The following BBS9 variants were observed in gnomAD, a reference collection of about 807,000 sequenced individuals.
BBS9 encodes Bardet-Biedl syndrome 9, also known as protein PTHB1.
Under a neutral mutation model 117.7 loss-of-function variants are expected in BBS9, and 89 were observed. The ratio of observed to expected loss-of-function variants is 0.76; its 90% CI spans 0.64 to 0.90. BBS9 has a LOEUF of 0.90. Ranked by LOEUF, BBS9 falls within the 40% of genes least tolerant of loss-of-function variation. BBS9 has a pLI of 0.00. For synonymous variants in BBS9, 379 were observed against 370.9 expected (o/e 1.02, Z -0.25); for missense variants, 982 against 1,042.2 (o/e 0.94, Z 0.80).
intron 5 of BBS9, among the ~76,000 whole-genome samples, chr7:33,251,161 G>C (rs1199639085): frequency 6.6e-6 from 1 of 152,194 alleles, no homozygotes; most frequent in Admixed American, 6.5e-5. Flanking sequence ...TTTGGCTCCA[G>C]GTGAGGCTTG....
At chr7:33,455,176 C>A (rs73689628) in intron 19 of BBS9, among the ~76,000 whole-genome samples, 3 of 152,122 alleles carry the variant, frequency 2.0e-5, no homozygotes, top group Non-Finnish European at 4.4e-5. Context: ...GATGAGAAAA[C>A]CTTGGCAAAT....
At chr7:33,160,291 T>A (rs576701272) in intron 4 of BBS9, among the ~76,000 whole-genome samples, 2 of 152,350 alleles carry the variant, frequency 1.3e-5, no homozygotes, top group South Asian at 4.1e-4. Context: ...AAATGTTCTC[T>A]TTAACCTGTG....
At chr7:33,499,180 T>A (rs1231961760) in intron 19 of BBS9, among the ~76,000 whole-genome samples, 1 of 152,246 alleles carries the variant, frequency 6.6e-6, no homozygotes, top group Admixed American at 6.5e-5. Flanking sequence ...GCATGGATAA[T>A]TCAAAACAAC....
At chr7:33,260,053 G>A (rs1797721840) in intron 6 of BBS9, among the ~76,000 whole-genome samples, 1 of 149,620 alleles carries the variant, frequency 6.7e-6, no homozygotes, top group Non-Finnish European at 1.5e-5. Flanking sequence ...AGGCTGGAGT[G>A]CAGTGGCGCG....
intron 19 of BBS9, among the ~76,000 whole-genome samples, chr7:33,393,118 A>G (rs1441732655): frequency 6.6e-6 from 1 of 152,168 alleles, no homozygotes; most frequent in Non-Finnish European, 1.5e-5. Flanking sequence ...ATGAGCCATG[A>G]TTGTGCCTTT....
Position 33,533,290 on chromosome 7 carries a change from C to T in BBS9, c.2299-664C>T, listed in dbSNP as rs145699321. On this transcript the variant is annotated intron_variant, in intron 20 of 22. Coordinates refer to ENST00000242067, the MANE Select transcript of BBS9 (RefSeq NM_198428.3). The stretch of plus-strand genomic sequence containing the variant: ...CACTTTTCTAGGTTTTTCACTGCAG[C>T]GCAGCCACACTGTTCCCAACAAAAG... Among the ~76,000 whole-genome samples, 16 of 152,306 alleles carry T rather than the reference C, an allele frequency of 1.1e-4. No homozygotes were observed. In the East Asian group the frequency reaches 1.9e-3, roughly 18 times the overall value.
intron 11 of BBS9, among the ~76,000 whole-genome samples, 181 bp from the exon 12 acceptor site, chr7:33,344,400 A>G (rs867454788): frequency 6.6e-6 from 1 of 151,784 alleles, no homozygotes; most frequent in African/African-American, 2.4e-5. Context: ...TTAGCTTATG[A>G]CTTTCTGGAC....
intron 19 of BBS9, among the ~76,000 whole-genome samples, chr7:33,503,385 T>TA (rs1398703469): frequency 6.6e-6 from 1 of 152,200 alleles, no homozygotes; most frequent in Admixed American, 6.5e-5. Context: ...AAGGCACTGA[T>TA]ACCTGTATGG....
chr7:33,282,102 C>T (rs1802025425), intron 9 of BBS9, among the ~76,000 whole-genome samples: 1 of 152,154 alleles, frequency 6.6e-6, no homozygotes, highest in African/African-American at 2.4e-5. Flanking sequence ...ATGTGAGCTA[C>T]CATGCCTGGC....
chr7:33,333,771 C>T (rs1269318136), intron 9 of BBS9, among the ~76,000 whole-genome samples: 1 of 152,022 alleles, frequency 6.6e-6, no homozygotes, highest in Non-Finnish European at 1.5e-5. Context: ...CCACCCACAC[C>T]TGGCTAATTT....
At chr7:33,509,780 A>G (rs11761619) in intron 20 of BBS9, among the ~76,000 whole-genome samples, 22,137 of 152,268 alleles carry the variant, frequency 0.15, 2,328 homozygotes, top group African/African-American at 0.3. Context: ...CCCTAATGAC[A>G]TCAGGTTCAC....
intron 19 of BBS9, among the ~76,000 whole-genome samples, chr7:33,396,814 C>G (rs1011765118): frequency 1.3e-5 from 2 of 152,078 alleles, no homozygotes; most frequent in African/African-American, 4.8e-5. Context: ...ACACAAAGAC[C>G]AATGTAACAG....
chr7:33,145,619 A>T lies in BBS9; in HGVS notation c.-11-623A>T, dbSNP rs547454349. Among the ~76,000 whole-genome samples, 4 of 152,230 alleles carry T rather than the reference A, an allele frequency of 2.6e-5. No individual in the cohort carries two copies. The East Asian group carries it at 7.7e-4, about 29-fold the overall frequency. ...CCAGGGCTAGTCACTAATGCATTTG[A>T]TCTCATTTGTCTCAGCAACTCTTTG... On this transcript the variant is annotated intron_variant, in intron 1 of 22. Transcript: ENST00000242067.
intron 9 of BBS9, among the ~76,000 whole-genome samples, chr7:33,310,698 G>A (rs545315082): frequency 1.8e-4 from 27 of 152,302 alleles, no homozygotes; most frequent in South Asian, 6.2e-4. Context: ...TGTCATAACC[G>A]GAGCAGGAAG....
intron 19 of BBS9, among the ~76,000 whole-genome samples, chr7:33,492,811 A>T (rs1488385145): frequency 3.0e-5 from 4 of 131,580 alleles, no homozygotes; most frequent in African/African-American, 9.0e-5. Flanking sequence ...TATAGGAGTG[A>T]GTGTGTGTGT....
chr7:33,365,376 T>C (rs567868332), intron 16 of BBS9, among the ~76,000 whole-genome samples: 22 of 152,298 alleles, frequency 1.4e-4, no homozygotes, highest in Non-Finnish European at 2.8e-4. Flanking sequence ...GATGTAGAGG[T>C]TCTGGCCCTG....
intron 9 of BBS9, among the ~76,000 whole-genome samples, chr7:33,294,641 A>C (rs968702739): frequency 6.6e-6 from 1 of 152,228 alleles, no homozygotes; most frequent in African/African-American, 2.4e-5. Flanking sequence ...TGTTCTTACT[A>C]AATAAATCAC....
Position 33,257,291 on chromosome 7 carries a change from G to A in BBS9, c.498G>A (p.Gln166=). ...ATGGGATGCTGATGGTATTTGAGCA[G>A]GAGAGCTATGCTTTTGGAAGATTTC... ...SMDGMLMVFE[Q]ESYAFGRFLP... Residue 166 remains glutamine (Q), a synonymous_variant, in exon 6 of 23, where the codon CAG becomes CAA. Transcript: ENST00000242067. 1.2e-6 allele frequency: 2 copies of A among 1,613,876 alleles called. No individual in the cohort carries two copies. The highest frequency in any genetic ancestry group is 1.7e-6 in the Non-Finnish European group (2 of 1,179,842).
chr7:33,321,606 T>C (rs1486737662), intron 9 of BBS9, among the ~76,000 whole-genome samples: 1 of 151,998 alleles, frequency 6.6e-6, no homozygotes, highest in Non-Finnish European at 1.5e-5. Context: ...AATTTGTTTT[T>C]TAGTTTTTTT....
Sources: allele counts gnomAD v4.1 joint callset (sites outside exome capture counted in the v4.1 genomes callset), GRCh38; gene constraint gnomAD v4.1.1; transcripts MANE v1.5; gene names NCBI Gene and HGNC (gene_info 2026-07-23, HGNC 2026-07-21).